The following UBXN2B variants were observed in gnomAD, a reference collection of about 807,000 sequenced individuals.
The protein encoded by UBXN2B is UBX domain-containing protein 2B.
UBXN2B carries 19 observed loss-of-function variants against 37.5 expected under a neutral mutation model. That is an observed-to-expected ratio of 0.51 (90% confidence interval 0.35 to 0.74). The LOEUF (loss-of-function observed/expected upper bound fraction) is 0.74. UBXN2B is among the 30% of genes least tolerant of loss of function. The pLI is 0.01. For missense variants in UBXN2B, 370 were observed against 393.2 expected, an observed-to-expected ratio of 0.94 and a Z score of 0.50; for synonymous variants, 145 against 143.8, an observed-to-expected ratio of 1.01 and a Z score of -0.06.
chr8:58,440,919 C>G (rs1267881953), intron 6 of UBXN2B, among the ~76,000 whole-genome samples: 1 of 151,762 alleles, frequency 6.6e-6, no homozygotes, highest in Non-Finnish European at 1.5e-5. Flanking sequence ...GACACAAACT[C>G]TTTAATTTTA....
At chr8:58,421,094 C>T (rs1258003819) in intron 2 of UBXN2B, among the ~76,000 whole-genome samples, 8 of 152,164 alleles carry the variant, frequency 5.3e-5, no homozygotes, top group Admixed American at 5.2e-4. Flanking sequence ...TCCCCCTGAA[C>T]TAAAAATAAC....
chr8:58,434,796 A>T (rs1158211266), intron 5 of UBXN2B: 2 of 1,529,538 alleles, frequency 1.3e-6, no homozygotes, highest in East Asian at 4.9e-5. Flanking sequence ...TGTGATAATC[A>T]GTGAATTAAT....
intron 2 of UBXN2B, among the ~76,000 whole-genome samples, chr8:58,427,941 C>T (rs1808145662): frequency 6.6e-6 from 1 of 152,140 alleles, no homozygotes; most frequent in Non-Finnish European, 1.5e-5. Context: ...GATGTTGGAT[C>T]CCATTGGGCA....
rs1464298308 is a variant in UBXN2B, at chr8:58,450,381, G to T, written c.*2830G>T. ...TAAAAGTTCTGCTTTACACATAACG[G>T]CAGGACACAACTCAGCTTAGCTTTT... On this transcript the variant is annotated 3_prime_UTR_variant, in exon 8 of 8. Coordinates refer to ENST00000399598, the MANE Select transcript of UBXN2B (RefSeq NM_001077619.2). 1 of 152,130 alleles carries T rather than the reference G, an allele frequency of 6.6e-6. No individual in the cohort carries two copies. Among genetic ancestry groups the T allele is most frequent in the Admixed American group, 6.5e-5 (1 of 15,270 alleles). 9.4% of individuals were successfully genotyped at this position (152,130 alleles called of 1,614,324 possible).
intron 5 of UBXN2B, among the ~76,000 whole-genome samples, chr8:58,437,060 A>T (rs1808429819): frequency 6.6e-6 from 1 of 152,198 alleles, no homozygotes; most frequent in Non-Finnish European, 1.5e-5. Flanking sequence ...CTTGAAGAAG[A>T]TAGGAAGACA....
chr8:58,424,339 T>C (rs1285508305), intron 2 of UBXN2B, among the ~76,000 whole-genome samples: 1 of 152,142 alleles, frequency 6.6e-6, no homozygotes, highest in Non-Finnish European at 1.5e-5. Context: ...TAAAATATAA[T>C]GTCTACATAG....
At position 58,451,425 on chromosome 8, in the gene UBXN2B, G is replaced by A. The variant is rs1808797856; in HGVS notation, c.*3874G>A. On this transcript the variant is annotated 3_prime_UTR_variant, in exon 8 of 8. Transcript: ENST00000399598. The stretch of plus-strand genomic sequence containing the variant: ...GAACAGACAACCATCTGTGAGGTCA[G>A]TCATTTTGCATGATGTATGTAATCA... 6.6e-6 allele frequency: 1 copy of A among 152,162 alleles called. No individual in the cohort carries two copies. The highest frequency in any genetic ancestry group is 1.5e-5 in the Non-Finnish European group (1 of 68,026). 9.4% of individuals were successfully genotyped at this position (152,162 alleles called of 1,614,324 possible).
chr8:58,423,935 G>GAAAAAAA (rs917656902), intron 2 of UBXN2B, among the ~76,000 whole-genome samples: 1 of 143,206 alleles, frequency 7.0e-6, no homozygotes. Flanking sequence ...TCATCGGCTG[G>GAAAAAAA]AAAAAAAAAA....
At chr8:58,437,959 C>CT (rs1334781498) in intron 5 of UBXN2B, among the ~76,000 whole-genome samples, 1 of 151,684 alleles carries the variant, frequency 6.6e-6, no homozygotes, top group Non-Finnish European at 1.5e-5. Flanking sequence ...AGCCCCCCCC[C>CT]CAACCCCCAT....
intron 2 of UBXN2B, among the ~76,000 whole-genome samples, chr8:58,429,727 G>A (rs1016554266): frequency 6.6e-6 from 1 of 152,154 alleles, no homozygotes; most frequent in Admixed American, 6.5e-5. Context: ...TGTCAGTTCA[G>A]TGTGAATTTG....
intron 2 of UBXN2B, chr8:58,426,124 G>A: frequency 7.3e-6 from 9 of 1,238,008 alleles, no homozygotes; most frequent in Admixed American, 1.7e-5. Flanking sequence ...GATGTTCTGT[G>A]TAATGCCGGA....
rs1435867728 is a variant in UBXN2B at position 58,451,069 on chromosome 8, AGAATT to A, written c.*3522_*3526del. 1.3e-5 allele frequency: 2 copies of A among 152,658 alleles called. No individual in the cohort carries two copies. Among genetic ancestry groups the A allele is most frequent in the Non-Finnish European group, 2.9e-5 (2 of 68,042 alleles). The allele number at this position is 152,658 out of a possible 1,614,324, so 9.5% of individuals were successfully genotyped here. A position where few individuals can be genotyped will look rare whatever the true frequency, so the allele number is the denominator to read the frequency against. On this transcript the variant is annotated 3_prime_UTR_variant, in exon 8 of 8. Coordinates refer to ENST00000399598, the MANE Select transcript of UBXN2B (RefSeq NM_001077619.2). ...CTTCCGAAGAAAATGATTTCTTAAA[AGAATT>A]GAACATTGTAAATCAAAGGGCATTG...
chr8:58,427,298 C>T (rs1008544887), intron 2 of UBXN2B, among the ~76,000 whole-genome samples: 1 of 152,110 alleles, frequency 6.6e-6, no homozygotes, highest in African/African-American at 2.4e-5. Flanking sequence ...GGCTTAAACC[C>T]CATCTCTACA....
intron 6 of UBXN2B, among the ~76,000 whole-genome samples, chr8:58,444,489 G>A (rs982797470): frequency 6.6e-6 from 1 of 152,204 alleles, no homozygotes; most frequent in Non-Finnish European, 1.5e-5. Flanking sequence ...TTCCCAGGCT[G>A]ATGTAAATGA....
At chr8:58,446,779 A>ATTTTTCTTTTTTTTTTTTTTT (rs1808682867) in intron 7 of UBXN2B, among the ~76,000 whole-genome samples, 1 of 17,386 alleles carries the variant, frequency 5.8e-5, no homozygotes, top group Non-Finnish European at 1.0e-4. Context: ...TACAACCTGC[A>ATTTTTCTTTTTTTTTTTTTTT]TTTTTTTTTT....
chr8:58,444,757 T>C (rs1424918039), intron 6 of UBXN2B, among the ~76,000 whole-genome samples: 1 of 152,210 alleles, frequency 6.6e-6, no homozygotes, highest in Non-Finnish European at 1.5e-5. Flanking sequence ...TTGTAAGTCA[T>C]AATTTTAACC....
Position 58,451,013 on chromosome 8 carries a change from G to T in UBXN2B, c.*3462G>T, listed in dbSNP as rs1482389558. 2 of 152,540 alleles carry T rather than the reference G, an allele frequency of 1.3e-5. No homozygotes were observed. 9.4% of individuals were successfully genotyped at this position (152,540 alleles called of 1,614,324 possible). ...CCCCATTTCAAAAAGATTACCAGGG[G>T]TAAAACAACTTTTTCATGGGTCAAA... On this transcript the variant is annotated 3_prime_UTR_variant, in exon 8 of 8. Transcript: ENST00000399598.
intron 6 of UBXN2B, among the ~76,000 whole-genome samples, chr8:58,443,852 G>T (rs1808610268): frequency 6.6e-6 from 1 of 151,994 alleles, no homozygotes; most frequent in Non-Finnish European, 1.5e-5. Flanking sequence ...TAACTTTTTA[G>T]GCTGGTTTTT....
chr8:58,441,297 C>T (rs1808535747), intron 6 of UBXN2B, among the ~76,000 whole-genome samples: 1 of 144,750 alleles, frequency 6.9e-6, no homozygotes, highest in African/African-American at 2.7e-5. Flanking sequence ...CCTGGCCAGG[C>T]TTCTCTCAAA....
Sources: allele counts gnomAD v4.1 joint callset (sites outside exome capture counted in the v4.1 genomes callset), GRCh38; gene constraint gnomAD v4.1.1; transcripts MANE v1.5; gene names NCBI Gene and HGNC (gene_info 2026-07-23, HGNC 2026-07-21).